Variants in CSMD1 observed in about 807,000 individuals in gnomAD.
The protein encoded by CSMD1 is CUB and Sushi multiple domains 1.
CSMD1 carries 213 observed loss-of-function variants against 417.5 expected under a neutral mutation model. The ratio of observed to expected loss-of-function variants is 0.51; its 90% CI spans 0.46 to 0.57. CSMD1 has a LOEUF of 0.57. Ranked by LOEUF, CSMD1 falls within the 20% of genes least tolerant of loss-of-function variation. The pLI is 0.00. For missense variants in CSMD1, 6,923 were observed against 4,529.7 expected (o/e 1.53, Z -15.17); for synonymous variants, 2,862 against 1,736.8 (o/e 1.65, Z -16.11).
intron 21 of CSMD1, among the ~76,000 whole-genome samples, chr8:3,348,713 T>C (rs918381973): frequency 1.0e-3 from 157 of 152,306 alleles, no homozygotes; most frequent in African/African-American, 3.7e-3. Context: ...TGGAAGAACA[T>C]TCAATGGCAG....
chr8:4,414,168 A>G (rs77168448), intron 3 of CSMD1, among the ~76,000 whole-genome samples: 4,332 of 152,300 alleles, frequency 0.028, 102 homozygotes, highest in African/African-American at 0.067. Flanking sequence ...GAGCTTGAAG[A>G]GTAATAATCT....
At chr8:4,833,787 G>A (rs117041089) in intron 1 of CSMD1, among the ~76,000 whole-genome samples, 138 of 152,304 alleles carry the variant, frequency 9.1e-4, no homozygotes, top group Non-Finnish European at 1.6e-3. Flanking sequence ...ATGATCCCAT[G>A]GAAGGATAGA....
chr8:4,438,049 T>C (rs1798248221), intron 2 of CSMD1, among the ~76,000 whole-genome samples: 1 of 152,196 alleles, frequency 6.6e-6, no homozygotes, highest in African/African-American at 2.4e-5. Context: ...CTCTTAGCTA[T>C]GAAGGAACAG....
chr8:4,398,385 C>T (rs939881775), intron 3 of CSMD1, among the ~76,000 whole-genome samples: 8 of 118,122 alleles, frequency 6.8e-5, no homozygotes, highest in East Asian at 5.5e-4. Context: ...CTTGCTGCAA[C>T]TTCTTTTTTT....
intron 5 of CSMD1, among the ~76,000 whole-genome samples, chr8:3,979,591 T>C (rs932793690): frequency 6.6e-6 from 1 of 152,154 alleles, no homozygotes; most frequent in Non-Finnish European, 1.5e-5. Context: ...ATCATGAGGA[T>C]GCGGCCAACA....
At chr8:4,529,090 T>A (rs1274007873) in intron 2 of CSMD1, among the ~76,000 whole-genome samples, 2 of 152,154 alleles carry the variant, frequency 1.3e-5, no homozygotes, top group Non-Finnish European at 2.9e-5. Flanking sequence ...GATAAAGAAC[T>A]CTCTCTCATG....
intron 3 of CSMD1, among the ~76,000 whole-genome samples, chr8:4,122,120 C>G (rs973500530): frequency 1.4e-4 from 21 of 151,934 alleles, no homozygotes; most frequent in African/African-American, 4.6e-4. Context: ...TATAGGATAT[C>G]AGAGATACTT....
intron 9 of CSMD1, among the ~76,000 whole-genome samples, chr8:3,580,584 A>C (rs1482718955): frequency 6.6e-6 from 1 of 152,220 alleles, no homozygotes; most frequent in African/African-American, 2.4e-5. Context: ...TAGTAAAAAT[A>C]ATAAGGAGAA....
intron 3 of CSMD1, among the ~76,000 whole-genome samples, chr8:4,301,321 C>T (rs527903395): frequency 2.0e-4 from 31 of 152,206 alleles, no homozygotes; most frequent in Non-Finnish European, 3.2e-4. Flanking sequence ...GTGCCATGAC[C>T]TTTATACTCA....
chr8:4,558,005 T>A (rs1383065358), intron 2 of CSMD1, among the ~76,000 whole-genome samples: 1 of 152,140 alleles, frequency 6.6e-6, no homozygotes, highest in Non-Finnish European at 1.5e-5. Flanking sequence ...TGCCTTTGAC[T>A]GACCCAAAAT....
At chr8:3,748,526 C>T (rs555973960) in intron 6 of CSMD1, among the ~76,000 whole-genome samples, 5 of 152,126 alleles carry the variant, frequency 3.3e-5, no homozygotes, top group Admixed American at 6.6e-5. Context: ...TAACTGAGCA[C>T]TTTCCAGGTT....
intron 3 of CSMD1, among the ~76,000 whole-genome samples, chr8:4,117,253 T>C (rs1802207916): frequency 6.6e-6 from 1 of 151,742 alleles, no homozygotes; most frequent in Non-Finnish European, 1.5e-5. Flanking sequence ...TTTCCTCTCA[T>C]CTATAATCCC....
chr8:4,491,708 A>T (rs548453837), intron 2 of CSMD1, among the ~76,000 whole-genome samples: 1 of 152,198 alleles, frequency 6.6e-6, no homozygotes, highest in Non-Finnish European at 1.5e-5. Context: ...AAAATCCAGA[A>T]TGGCAACACA....
intron 12 of CSMD1, among the ~76,000 whole-genome samples, chr8:3,459,640 C>T (rs968816234): frequency 8.5e-5 from 13 of 152,092 alleles, no homozygotes; most frequent in South Asian, 2.1e-4. Context: ...AACTCCCGGA[C>T]GGTCCAGGGG....
At chr8:3,922,388 T>C (rs118155743) in intron 5 of CSMD1, among the ~76,000 whole-genome samples, 1 of 152,258 alleles carries the variant, frequency 6.6e-6, no homozygotes, top group Non-Finnish European at 1.5e-5. Flanking sequence ...TAATTATTAA[T>C]AGGTAAGAAC....
At chr8:4,614,139 G>T (rs1392159944) in intron 2 of CSMD1, among the ~76,000 whole-genome samples, 2 of 152,064 alleles carry the variant, frequency 1.3e-5, no homozygotes, top group Admixed American at 1.3e-4. Context: ...GAACTTTTAA[G>T]TTCTGATAAT....
At chr8:3,839,726 A>C (rs938570469) in intron 5 of CSMD1, among the ~76,000 whole-genome samples, 20 of 150,208 alleles carry the variant, frequency 1.3e-4, no homozygotes, top group African/African-American at 4.9e-4. Flanking sequence ...TCTTTAAAGC[A>C]CTTCGCTTGC....
intron 27 of CSMD1, among the ~76,000 whole-genome samples, chr8:3,226,581 C>CAAAAAAAAAAAAAAAAAA (rs35840582): frequency 1.5e-5 from 1 of 67,730 alleles, no homozygotes; most frequent in Non-Finnish European, 3.3e-5. Context: ...GACTCTGTCT[C>CAAAAAAAAAAAAAAAAAA]AAAAAAAAAA....
rs554306125 is a variant in CSMD1, at chr8:4,270,330, A to C, written c.415+149623T>G. ...ATACTGGTTTTATGCTTTATTAACA[A>C]ACCACGATTCACACTCTGTTTCCAC... On this transcript the variant is annotated intron_variant, in intron 3 of 69. Coordinates refer to ENST00000635120, the MANE Select transcript of CSMD1 (RefSeq NM_033225.6). Among the ~76,000 whole-genome samples, 93 of 151,688 alleles carry C rather than the reference A, an allele frequency of 6.1e-4. 1 individual carries two copies. In the South Asian group the frequency reaches 0.019, roughly 30 times the overall value.
Sources: allele counts gnomAD v4.1 joint callset (sites outside exome capture counted in the v4.1 genomes callset), GRCh38; gene constraint gnomAD v4.1.1; transcripts MANE v1.5; gene names NCBI Gene and HGNC (gene_info 2026-07-23, HGNC 2026-07-21).